PANK1: variants seen among roughly 807,000 people sequenced by gnomAD.
PANK1 encodes pantothenate kinase 1.
In PANK1, 18 loss-of-function variants were observed where a neutral mutation model predicts 40.1. The observed-to-expected ratio is 0.45, with a 90% CI of 0.31 to 0.67. The LOEUF (loss-of-function observed/expected upper bound fraction) is 0.67, where lower values mean the gene tolerates loss of function less well. Among genes scored for constraint, PANK1 ranks in the 30% least tolerant of loss-of-function variants. The pLI is 0.06. For synonymous variants in PANK1, 242 were observed against 237.7 expected (o/e 1.02, Z -0.17); for missense variants, 457 against 599.6 (o/e 0.76, Z 2.48).
intron 1 of PANK1, among the ~76,000 whole-genome samples, chr10:89,629,002 C>G (rs1346488212): frequency 6.6e-6 from 1 of 152,180 alleles, no homozygotes; most frequent in Non-Finnish European, 1.5e-5. Context: ...GTCAGTGTTA[C>G]TGCAATATAT....
rs769361108 is a variant in PANK1, at chr10:89,644,696, C to G, written c.196G>C (p.Glu66Gln). 1.2e-5 allele frequency: 19 copies of G among 1,545,106 alleles called. No homozygotes were observed. The highest frequency in any genetic ancestry group is 1.5e-5 in the Non-Finnish European group (17 of 1,152,860). Residue 66 changes from glutamate (E) to glutamine (Q), a missense_variant, in exon 1 of 7, where the codon GAG (glutamate) becomes CAG (glutamine). Coordinates refer to ENST00000307534, the MANE Select transcript of PANK1 (RefSeq NM_148977.3). ...AAPQRLPLLP[E>Q]LQPQPLLPQH... ...GGGAGCAGTGGCTGCGGCTGCAGCT[C>G]CGGCAGGAGCGGGAGGCGCTGGGGC...
intron 6 of PANK1, 44 bp downstream of exon 6, chr10:89,588,608 A>G (rs1844274527): frequency 6.7e-7 from 1 of 1,481,708 alleles, no homozygotes; most frequent in Non-Finnish European, 9.0e-7. Flanking sequence ...CCAAACCAAA[A>G]TATACTCCAC....
intron 1 of PANK1, chr10:89,626,303 AT>A (rs34014935): frequency 0.31 from 39,264 of 128,040 alleles, 4,633 homozygotes; most frequent in Non-Finnish European, 0.35. Context: ...GGTCCTCAGC[AT>A]TTTTTTTTTT....
chr10:89,605,112 TA>T (rs886382569), intron 2 of PANK1, among the ~76,000 whole-genome samples: 3 of 151,878 alleles, frequency 2.0e-5, no homozygotes, highest in African/African-American at 7.3e-5. Flanking sequence ...TATTTATTGC[TA>T]AAAAATGCGA....
At chr10:89,641,238 C>G (rs559307502) in intron 1 of PANK1, among the ~76,000 whole-genome samples, 1 of 152,236 alleles carries the variant, frequency 6.6e-6, no homozygotes, top group South Asian at 2.1e-4. Flanking sequence ...GAAAATTTTC[C>G]TTATTTATCT....
At chr10:89,611,615 G>T in intron 2 of PANK1, 81 bp downstream of exon 2, 1 of 1,002,758 alleles carries the variant, frequency 1.0e-6, no homozygotes, top group Non-Finnish European at 1.5e-6. Context: ...AAGGCTAGTA[G>T]TATGGTTCTT....
At chr10:89,629,780 G>A (rs1243954976) in intron 1 of PANK1, among the ~76,000 whole-genome samples, 5 of 152,174 alleles carry the variant, frequency 3.3e-5, no homozygotes, top group African/African-American at 1.2e-4. Context: ...GTTTGATTCA[G>A]AGACAGCAGC....
At chr10:89,598,666 G>A (rs1218351740) in intron 3 of PANK1, among the ~76,000 whole-genome samples, 1 of 152,126 alleles carries the variant, frequency 6.6e-6, no homozygotes, top group Non-Finnish European at 1.5e-5. Context: ...GCCTTGGGGT[G>A]TGTGCACTGA....
At chr10:89,591,212 A>G (rs1844376196) in intron 5 of PANK1, among the ~76,000 whole-genome samples, 1 of 152,158 alleles carries the variant, frequency 6.6e-6, no homozygotes, top group South Asian at 2.1e-4. Flanking sequence ...CAATATAAAC[A>G]AAGATATATT....
chr10:89,631,452 T>C (rs1458842632), intron 1 of PANK1, among the ~76,000 whole-genome samples: 2 of 152,242 alleles, frequency 1.3e-5, no homozygotes, highest in African/African-American at 4.8e-5. Flanking sequence ...CAATCCTGAA[T>C]CCAGCAACTC....
At chr10:89,634,902 T>C (rs3740034) in intron 1 of PANK1, among the ~76,000 whole-genome samples, 34,599 of 151,990 alleles carry the variant, frequency 0.23, 4,134 homozygotes, top group East Asian at 0.46. Flanking sequence ...ACACAAGCCA[T>C]GTGTCCTGCT....
intron 1 of PANK1, among the ~76,000 whole-genome samples, chr10:89,622,381 C>G (rs184302909): frequency 6.6e-6 from 1 of 152,220 alleles, no homozygotes; most frequent in East Asian, 1.9e-4. Flanking sequence ...AGGGTACAAG[C>G]TCATATGCTA....
intron 1 of PANK1, among the ~76,000 whole-genome samples, chr10:89,641,732 AAAATAAATAAATAAATAAATAAAT>A (rs199852567): frequency 7.0e-6 from 1 of 143,404 alleles, no homozygotes; most frequent in Non-Finnish European, 1.5e-5. Flanking sequence ...AATCCGTCTC[AAAATAAATAAATAAATAAATAAAT>A]AAATAAATAA....
intron 1 of PANK1, among the ~76,000 whole-genome samples, chr10:89,632,810 T>C (rs1052147250): frequency 3.9e-5 from 6 of 152,210 alleles, no homozygotes; most frequent in African/African-American, 1.4e-4. Context: ...AATAACGATG[T>C]GATTCCAAAG....
chr10:89,620,135 T>C (rs1304459559), intron 1 of PANK1, among the ~76,000 whole-genome samples: 1 of 152,222 alleles, frequency 6.6e-6, no homozygotes, highest in Non-Finnish European at 1.5e-5. Context: ...CAGGACCCTG[T>C]GTTGATTGCG....
Position 89,644,774 on chromosome 10 carries a change from C to T in PANK1, c.118G>A (p.Val40Ile). 6.7e-7 allele frequency: 1 copy of T among 1,500,834 alleles called. No individual in the cohort carries two copies. The highest frequency in any genetic ancestry group is 8.8e-7 in the Non-Finnish European group (1 of 1,132,242). The allele number at this position is 1,500,834 out of a possible 1,614,324, so 93.0% of individuals were successfully genotyped here. ...CGGCTGCAGACGTGCGGCGGCTGGA[C>T]TGGCGGCGGATGGAAGCCGTTGTGC... ...LLHNGFHPPP[V>I]QPPHVCSRGP... Residue 40 changes from valine to isoleucine, a missense_variant, in exon 1 of 7, where the codon GTC becomes ATC. By Grantham distance (29) the Val-to-Ile change is conservative. Coordinates refer to ENST00000307534, the MANE Select transcript of PANK1 (RefSeq NM_148977.3).
intron 1 of PANK1, among the ~76,000 whole-genome samples, chr10:89,627,554 GA>G (rs1841511420): frequency 1.3e-5 from 2 of 152,162 alleles, no homozygotes; most frequent in Admixed American, 6.5e-5. Flanking sequence ...TAGACGGTGT[GA>G]GGCACTCTGC....
intron 4 of PANK1, 48 bp downstream of exon 4, chr10:89,593,765 G>C: frequency 7.1e-7 from 1 of 1,418,346 alleles, no homozygotes; most frequent in Non-Finnish European, 1.0e-6. Context: ...AGGGTGGAGA[G>C]GCTGCCTTGT....
chr10:89,629,086 T>C (rs1261685629), intron 1 of PANK1, among the ~76,000 whole-genome samples: 1 of 152,238 alleles, frequency 6.6e-6, no homozygotes, highest in Non-Finnish European at 1.5e-5. Flanking sequence ...TGTATAGTTA[T>C]TATTTGTCAA....
Sources: gnomAD v4.1 joint callset for allele counts (sites outside exome capture counted in the v4.1 genomes callset) on GRCh38, gnomAD v4.1.1 for gene constraint, MANE v1.5 for transcripts, NCBI Gene and HGNC (gene_info 2026-07-23, HGNC 2026-07-21) for gene names.